DLGAP5: variants seen among roughly 807,000 people sequenced by gnomAD.
DLGAP5 encodes the protein DLG associated protein 5.
Under a neutral mutation model 99.6 loss-of-function variants are expected in DLGAP5, and 90 were observed. The observed-to-expected ratio is 0.90, with a 90% CI of 0.76 to 1.08. The LOEUF (loss-of-function observed/expected upper bound fraction) is 1.08, where lower values mean the gene tolerates loss of function less well. Ranked by LOEUF, DLGAP5 falls within the 50% of genes least tolerant of loss-of-function variation. The pLI is 0.00. For missense variants in DLGAP5, 1,036 were observed against 983.5 expected (o/e 1.05, Z -0.71); for synonymous variants, 311 against 321.3 (o/e 0.97, Z 0.34).
Position 55,183,665 on chromosome 14 carries a change from C to A in DLGAP5, c.327G>T (p.Gln109His). 1 of 1,612,754 alleles carries A rather than the reference C, an allele frequency of 6.2e-7. No individual in the cohort carries two copies. The highest frequency in any genetic ancestry group is 8.5e-7 in the Non-Finnish European group (1 of 1,179,646). The part of the protein sequence containing the change: ...EEKQLQKLKE[Q>H]REKAKRGIFK... ...ATATTCCTCGTTTAGCTTTCTCTCT[C>A]TGCTCTTTCAATTTTTGAAGTTGCT... Residue 109 changes from glutamine (Q) to histidine (H), a missense_variant, in exon 3 of 19, where the codon CAG becomes CAT. Physicochemically the swap from Gln to His is conservative, Grantham distance 24 (BLOSUM62 0). Transcript: ENST00000247191.
chr14:55,168,898 C>T (rs1421420970), intron 12 of DLGAP5, among the ~76,000 whole-genome samples: 9 of 151,936 alleles, frequency 5.9e-5, no homozygotes, highest in African/African-American at 2.2e-4. Context: ...TTATCCTGGC[C>T]GGGCGCGGTG....
At chr14:55,160,879 ATAGAG>A (rs1255777782) in intron 13 of DLGAP5, among the ~76,000 whole-genome samples, 1 of 152,248 alleles carries the variant, frequency 6.6e-6, no homozygotes, top group Non-Finnish European at 1.5e-5. Flanking sequence ...AACAAAAATA[ATAGAG>A]TATAGAAAAC....
Position 55,154,703 on chromosome 14 carries a change from T to G in DLGAP5, c.1977A>C (p.Gln659His), listed in dbSNP as rs1475166445. The G allele has an allele frequency of 1.2e-6, 2 of 1,614,016 alleles. No individual in the cohort carries two copies. Among genetic ancestry groups the G allele is most frequent in the Non-Finnish European group, 1.7e-6 (2 of 1,180,006 alleles). Residue 659 changes from glutamine to histidine, a missense_variant, in exon 15 of 19, where the codon CAA becomes CAC. Transcript: ENST00000247191. ...QSRNEMGIPQQTTSPENAGPQ... is the reference protein window; with the variant it reads ...QSRNEMGIPQHTTSPENAGPQ... ...GACCGGCATTTTCTGGTGATGTAGT[T>G]TGTTGTGGAATGCCCATCTCATTTC...
intron 10 of DLGAP5, among the ~76,000 whole-genome samples, chr14:55,171,762 T>G (rs974404264): frequency 6.6e-6 from 1 of 152,092 alleles, no homozygotes; most frequent in East Asian, 1.9e-4. Context: ...GGTATATACA[T>G]ACAATGAAAT....
At chr14:55,162,138 TTAC>T (rs1882467030) in intron 13 of DLGAP5, among the ~76,000 whole-genome samples, 1 of 151,906 alleles carries the variant, frequency 6.6e-6, no homozygotes, top group Admixed American at 6.6e-5. Flanking sequence ...AGAAAGATAA[TTAC>T]TAGAAACAAG....
At chr14:55,148,727 T>C (rs780069533) in intron 18 of DLGAP5, 62 of 566,664 alleles carry the variant, frequency 1.1e-4, no homozygotes, top group South Asian at 5.6e-4. Flanking sequence ...ATTTTCCCTA[T>C]ATAACAATAA....
At chr14:55,184,669 T>G (rs1883376586) in intron 2 of DLGAP5, among the ~76,000 whole-genome samples, 1 of 152,140 alleles carries the variant, frequency 6.6e-6, no homozygotes, top group Admixed American at 6.5e-5. Context: ...CCAGGTGCCA[T>G]GTGGGGCCTT....
At position 55,152,607 on chromosome 14, in the gene DLGAP5, A is replaced by C; in HGVS notation, c.2104T>G (p.Leu702Val). Residue 702 changes from leucine (L) to valine (V), a missense_variant, in exon 16 of 19, where the codon TTA becomes GTA. Transcript: ENST00000247191. ...GTACTTACATGATTTTCTTCAATTA[A>C]ATCTGGTAATCCAGGACACTGAGCA... Reference protein sequence around the residue: ...EDAQCPGLPDLIEENHVVNKT... With the variant: ...EDAQCPGLPDVIEENHVVNKT... 1 of 1,602,502 alleles carries C rather than the reference A, an allele frequency of 6.2e-7. No homozygotes were observed. Among genetic ancestry groups the C allele is most frequent in the Non-Finnish European group, 8.5e-7 (1 of 1,175,406 alleles).
chr14:55,165,383 C>T (rs906299279), intron 12 of DLGAP5, among the ~76,000 whole-genome samples: 6 of 151,984 alleles, frequency 3.9e-5, no homozygotes, highest in Admixed American at 2.0e-4. Context: ...ATTAGCCAGT[C>T]GTGGTGGCAC....
chr14:55,188,779 TAA>T (rs397852487), intron 2 of DLGAP5, among the ~76,000 whole-genome samples, 161 bp downstream of exon 2: 181 of 116,210 alleles, frequency 1.6e-3, no homozygotes, highest in East Asian at 2.2e-3. Context: ...TCTTGTAATT[TAA>T]AAAAAAAAAA....
At chr14:55,151,282 T>C (rs1419117976) in intron 17 of DLGAP5, among the ~76,000 whole-genome samples, 3 of 151,918 alleles carry the variant, frequency 2.0e-5, no homozygotes, top group Admixed American at 6.6e-5. Flanking sequence ...AACTAGGCAG[T>C]AGGGAAGAAA....
chr14:55,164,591 G>A (rs775521787), intron 12 of DLGAP5, among the ~76,000 whole-genome samples: 10 of 151,924 alleles, frequency 6.6e-5, no homozygotes, highest in Non-Finnish European at 1.3e-4. Context: ...GGTTAGGTAA[G>A]AGTTCTTAGA....
At chr14:55,174,529 G>A (rs758740314) in intron 10 of DLGAP5, among the ~76,000 whole-genome samples, 2 of 152,078 alleles carry the variant, frequency 1.3e-5, no homozygotes, top group Admixed American at 6.6e-5. Flanking sequence ...AGCTTGTGGG[G>A]CATCACGGAA....
chr14:55,180,750 C>T lies in DLGAP5; in HGVS notation c.609G>A (p.Leu203=), dbSNP rs1883244328. ...KVVQPVMPTS[L]RMTRSATQAA... Reference sequence around the variant, plus strand: ...CTTGAGTAGCTGATCGAGTCATTCTCAACGACGTGGGCATTACAGGCTGCA... The same window carrying T: ...CTTGAGTAGCTGATCGAGTCATTCTTAACGACGTGGGCATTACAGGCTGCA... The change falls in exon 6 of 19, where the codon TTG becomes TTA. Residue 203 remains leucine (L), a synonymous_variant. Transcript: ENST00000247191. The T allele has an allele frequency of 6.2e-7, 1 of 1,613,994 alleles. No homozygotes were observed.
intron 10 of DLGAP5, among the ~76,000 whole-genome samples, chr14:55,175,083 TA>T (rs1883011142): frequency 6.6e-6 from 1 of 152,164 alleles, no homozygotes; most frequent in African/African-American, 2.4e-5. Flanking sequence ...AAGAAATGAG[TA>T]ACACTTGCCT....
At chr14:55,162,940 A>G (rs755064912) in intron 13 of DLGAP5, 31 bp downstream of exon 13, 1 of 1,355,760 alleles carries the variant, frequency 7.4e-7, no homozygotes, top group Non-Finnish European at 1.0e-6. Flanking sequence ...ACTAAAAAAA[A>G]AAAAATTGGA....
chr14:55,176,784 C>G (rs1339524193), intron 8 of DLGAP5, among the ~76,000 whole-genome samples: 1 of 151,936 alleles, frequency 6.6e-6, no homozygotes, highest in East Asian at 1.9e-4. Context: ...CGAGACCATC[C>G]TGGCTAACAT....
intron 7 of DLGAP5, among the ~76,000 whole-genome samples, chr14:55,178,354 G>C (rs1594680301): frequency 6.6e-6 from 1 of 152,172 alleles, no homozygotes; most frequent in African/African-American, 2.4e-5. Context: ...AATAACCTTA[G>C]ATTATAAATA....
At chr14:55,165,555 C>G (rs771566876) in intron 12 of DLGAP5, among the ~76,000 whole-genome samples, 4 of 151,892 alleles carry the variant, frequency 2.6e-5, no homozygotes, top group Non-Finnish European at 5.9e-5. Context: ...CAAAAAAACC[C>G]TACAATGAGA....
Sources: allele counts gnomAD v4.1 joint callset (sites outside exome capture counted in the v4.1 genomes callset), GRCh38; gene constraint gnomAD v4.1.1; transcripts MANE v1.5; gene names NCBI Gene and HGNC (gene_info 2026-07-23, HGNC 2026-07-21).